Variants in RIOX1 observed in about 807,000 individuals in gnomAD.
RIOX1 encodes ribosomal oxygenase 1.
In RIOX1, 33 loss-of-function variants were observed where a neutral mutation model predicts 44.6. The ratio of observed to expected loss-of-function variants is 0.74; its 90% CI spans 0.56 to 0.99. The LOEUF (loss-of-function observed/expected upper bound fraction) is 0.99, where lower values mean the gene tolerates loss of function less well. Among genes scored for constraint, RIOX1 ranks in the 50% least tolerant of loss-of-function variants. The probability of loss-of-function intolerance (pLI) is 0.00; values close to 1 mark genes in which losing one functional copy is unlikely to be tolerated. For synonymous variants in RIOX1, 387 were observed against 395.8 expected (o/e 0.98, Z 0.26); for missense variants, 821 against 871.7 (o/e 0.94, Z 0.73).
chr14:73,491,875 G>A lies in RIOX1; in HGVS notation c.858G>A (p.Ala286=). ...NPPGRALPAA[A]WSLYQAGCSL... is the part of the protein sequence containing the mutation. ...CCGGCCGCGCGCTGCCCGCCGCCGC[G>A]TGGTCCCTGTACCAGGCCGGCTGCT... The change falls in exon 1 of 1, where the codon GCG becomes GCA. Residue 286 remains alanine, a synonymous_variant. Coordinates refer to ENST00000304061, the MANE Select transcript of RIOX1 (RefSeq NM_024644.5). 1 of 1,611,358 alleles carries A rather than the reference G, an allele frequency of 6.2e-7. No homozygotes were observed. The highest frequency in any genetic ancestry group is 1.1e-5 in the South Asian group (1 of 90,812).
In RIOX1 at chr14:73,492,523, C is replaced by T. The variant is rs1438222577; in HGVS notation, c.1506C>T (p.Ala502=). The T allele has an allele frequency of 4.3e-6, 7 of 1,613,502 alleles. No homozygotes were observed. The highest frequency in any genetic ancestry group is 1.7e-5 in the Admixed American group (1 of 59,892). ...APVDAVADQR[A]KDFIHDSLPP... is the part of the protein sequence containing the mutation. The stretch of plus-strand genomic sequence containing the variant: ...TTGATGCTGTGGCCGACCAGCGAGC[C>T]AAAGACTTCATTCACGATTCTCTGC... The change falls in exon 1 of 1, where the codon GCC becomes GCT. Residue 502 remains alanine, a synonymous_variant. Transcript: ENST00000304061. This position sits in a 1 kb window ranked among gnomAD's most constrained non-coding sequence, Gnocchi z 4.9.
rs987735574 is a variant in RIOX1, at chr14:73,491,402, C to G, written c.385C>G (p.Pro129Ala). The part of the protein sequence containing the change: ...SARLVPASAP[P>A]ARLVEVPAAP... Reference sequence around the variant, plus strand: ...GCGCCTGGTGCCCGCTTCCGCGCCGCCCGCGCGCCTGGTGGAGGTGCCCGC... The same window carrying G: ...GCGCCTGGTGCCCGCTTCCGCGCCGGCCGCGCGCCTGGTGGAGGTGCCCGC... The change falls in exon 1 of 1, where the codon CCC (proline) becomes GCC (alanine). Residue 129 changes from proline to alanine, a missense_variant. Physicochemically the swap from Pro to Ala is conservative, Grantham distance 27. Coordinates refer to ENST00000304061, the MANE Select transcript of RIOX1 (RefSeq NM_024644.5). The G allele has an allele frequency of 2.4e-5, 32 of 1,345,788 alleles. No homozygotes were observed. Among genetic ancestry groups the G allele is most frequent in the Non-Finnish European group, 3.0e-5 (32 of 1,057,448 alleles). 83.4% of individuals were successfully genotyped at this position (1,345,788 alleles called of 1,614,324 possible).
Position 73,491,542 on chromosome 14 carries a change from G to C in RIOX1, c.525G>C (p.Thr175=). 1.3e-6 allele frequency: 2 copies of C among 1,532,780 alleles called. No individual in the cohort carries two copies. The highest frequency in any genetic ancestry group is 1.2e-5 in the South Asian group (1 of 82,826). The allele number at this position is 1,532,780 out of a possible 1,614,324, so 94.9% of individuals were successfully genotyped here. The change falls in exon 1 of 1, where the codon ACG becomes ACC. Residue 175 remains threonine (T), a synonymous_variant. Coordinates refer to ENST00000304061, the MANE Select transcript of RIOX1 (RefSeq NM_024644.5). ...ATASGPQVDN[T]GGEPAWDSPL... is the part of the protein sequence containing the mutation. The stretch of plus-strand genomic sequence containing the variant: ...CGTCGGGGCCGCAGGTGGATAACAC[G>C]GGTGGGGAGCCGGCCTGGGACTCCC...
In RIOX1 at chr14:73,492,505, T is replaced by C. The variant is rs777747961; in HGVS notation, c.1488T>C (p.Ala496=). Residue 496 remains alanine (A), a synonymous_variant, in exon 1 of 1, where the codon GCT becomes GCC. Coordinates refer to ENST00000304061, the MANE Select transcript of RIOX1 (RefSeq NM_024644.5). The surrounding 1 kb of genome is among the most constrained non-coding windows in gnomAD (Gnocchi z 4.9). ...TGGGACACTTTGCTCCTGTTGATGC[T>C]GTGGCCGACCAGCGAGCCAAAGACT... ...ARLGHFAPVD[A]VADQRAKDFI... 3 of 1,613,522 alleles carry C rather than the reference T, an allele frequency of 1.9e-6. No individual in the cohort carries two copies. Among genetic ancestry groups the C allele is most frequent in the Non-Finnish European group, 2.5e-6 (3 of 1,179,742 alleles).
In RIOX1 at chr14:73,491,739, T is replaced by C; in HGVS notation, c.722T>C (p.Leu241Pro). 6.4e-7 allele frequency: 1 copy of C among 1,554,758 alleles called. No homozygotes were observed. ...CAGGACCACACCTACTACCAGGGAC[T>C]TTTCTCTACCGCTGACCTGGATTCG... ...RRQDHTYYQG[L>P]FSTADLDSML... The change falls in exon 1 of 1, where the codon CTT (leucine) becomes CCT (proline). Residue 241 changes from leucine (L) to proline (P), a missense_variant. Leu to Pro is a moderately conservative substitution (Grantham distance 98). Coordinates refer to ENST00000304061, the MANE Select transcript of RIOX1 (RefSeq NM_024644.5).
At position 73,491,658 on chromosome 14, in the gene RIOX1, C is replaced by T. The variant is rs1334891478; in HGVS notation, c.641C>T (p.Pro214Leu). The T allele has an allele frequency of 3.9e-6, 6 of 1,549,836 alleles. No homozygotes were observed. The highest frequency in any genetic ancestry group is 2.4e-5 in the South Asian group (2 of 84,018). ...RLFEWLIAPM[P>L]PDHFYRRLWE... ...TTTGAGTGGCTCATCGCGCCCATGCCGCCAGATCACTTTTACCGGCGCCTA... is the reference window on the plus strand; with the variant it reads ...TTTGAGTGGCTCATCGCGCCCATGCTGCCAGATCACTTTTACCGGCGCCTA... Residue 214 changes from proline to leucine, a missense_variant, in exon 1 of 1, where the codon CCG becomes CTG. Physicochemically the swap from Pro to Leu is moderately conservative, Grantham distance 98. Transcript: ENST00000304061.
rs775884852 is a variant in RIOX1 at position 73,492,395 on chromosome 14, G to T, written c.1378G>T (p.Asp460Tyr). Residue 460 changes from aspartate to tyrosine, a missense_variant, in exon 1 of 1, where the codon GAT becomes TAT. Coordinates refer to ENST00000304061, the MANE Select transcript of RIOX1 (RefSeq NM_024644.5). The surrounding 1 kb of genome is among the most constrained non-coding windows in gnomAD (Gnocchi z 4.9). ...GAGGGGTCTGCCCCGAGACTTCATG[G>T]ATTACATGGGGGCCCAGCATTCAGA... The part of the protein sequence containing the change: ...FRRGLPRDFM[D>Y]YMGAQHSDSK... 6.2e-7 allele frequency: 1 copy of T among 1,613,880 alleles called. No homozygotes were observed. Among genetic ancestry groups the T allele is most frequent in the Non-Finnish European group, 8.5e-7 (1 of 1,179,796 alleles).
Position 73,493,108 on chromosome 14 carries a change from A to G in RIOX1, c.*165A>G. 6.2e-7 allele frequency: 1 copy of G among 1,611,820 alleles called. No individual in the cohort carries two copies. The highest frequency in any genetic ancestry group is 1.7e-4 in the Middle Eastern group (1 of 6,056). On this transcript the variant is annotated 3_prime_UTR_variant, in exon 1 of 1. Coordinates refer to ENST00000304061, the MANE Select transcript of RIOX1 (RefSeq NM_024644.5). ...TGTCACAAACCTCGGAAGGTCTTCT[A>G]GGAAGAACCATCTCATCTAGGTACA...
chr14:73,491,083 C>A lies in RIOX1; in HGVS notation c.66C>A (p.Pro22=). 1 of 1,599,494 alleles carries A rather than the reference C, an allele frequency of 6.3e-7. No homozygotes were observed. The highest frequency in any genetic ancestry group is 8.5e-7 in the Non-Finnish European group (1 of 1,173,080). The change falls in exon 1 of 1, where the codon CCC becomes CCA. Residue 22 remains proline (P), a synonymous_variant. Transcript: ENST00000304061. The part of the protein sequence containing the change: ...RRGRPKRRRK[P]QPHSGSVLAL... ...GGCGGCCGAAGCGCCGGCGCAAGCC[C>A]CAGCCACACAGCGGGTCGGTCCTGG...
At position 73,491,762 on chromosome 14, in the gene RIOX1, T is replaced by G. The variant is rs758521493; in HGVS notation, c.745T>G (p.Ser249Ala). 21 of 1,565,206 alleles carry G rather than the reference T, an allele frequency of 1.3e-5. No individual in the cohort carries two copies. Among genetic ancestry groups the G allele is most frequent in the Non-Finnish European group, 1.8e-5 (21 of 1,155,636 alleles). Residue 249 changes from serine to alanine, a missense_variant, in exon 1 of 1, where the codon TCG becomes GCG. Physicochemically the swap from Ser to Ala is moderately conservative, Grantham distance 99. Around this residue, in one of 2 missense-constraint regions of RIOX1, gnomAD observed 554 missense variants for 531.2 expected, o/e 1.04. Transcript: ENST00000304061. ...ACTTTTCTCTACCGCTGACCTGGATTCGATGCTGCGCAACGAGGAGGTGCA... is the reference window on the plus strand; with the variant it reads ...ACTTTTCTCTACCGCTGACCTGGATGCGATGCTGCGCAACGAGGAGGTGCA... ...QGLFSTADLD[S>A]MLRNEEVQFG...
At position 73,492,779 on chromosome 14, in the gene RIOX1, T is replaced by G; in HGVS notation, c.1762T>G (p.Tyr588Asp). The G allele has an allele frequency of 1.2e-6, 2 of 1,613,936 alleles. No individual in the cohort carries two copies. The highest frequency in any genetic ancestry group is 1.7e-6 in the Non-Finnish European group (2 of 1,179,874). ...HLEEPKCLEI[Y>D]PQQADAMELL... ...GGAAGAACCCAAGTGCTTGGAAATA[T>G]ACCCCCAGCAAGCTGATGCCATGGA... The change falls in exon 1 of 1, where the codon TAC (tyrosine) becomes GAC (aspartate). Residue 588 changes from tyrosine (Y) to aspartate (D), a missense_variant. Physicochemically the swap from Tyr to Asp is radical, Grantham distance 160. Transcript: ENST00000304061. This position sits in a 1 kb window ranked among gnomAD's most constrained non-coding sequence, Gnocchi z 4.9.
At position 73,491,491 on chromosome 14, in the gene RIOX1, C is replaced by T; in HGVS notation, c.474C>T (p.Val158=). 1 of 1,505,262 alleles carries T rather than the reference C, an allele frequency of 6.6e-7. No individual in the cohort carries two copies. The highest frequency in any genetic ancestry group is 1.3e-5 in the South Asian group (1 of 78,838). The allele number at this position is 1,505,262 out of a possible 1,614,324, so 93.2% of individuals were successfully genotyped here. A position where few individuals can be genotyped will look rare whatever the true frequency, so the allele number is the denominator to read the frequency against. ...LLCTAQHLAA[V]QSSGAPATAS... is the part of the protein sequence containing the mutation. ...GCACCGCGCAACACTTAGCGGCCGT[C>T]CAGTCGTCCGGGGCCCCTGCGACGG... Residue 158 remains valine (V), a synonymous_variant, in exon 1 of 1, where the codon GTC becomes GTT. Transcript: ENST00000304061.
rs199691358 is a variant in RIOX1 at position 73,493,041 on chromosome 14, T to A, written c.*98T>A. 6.2e-7 allele frequency: 1 copy of A among 1,602,466 alleles called. No homozygotes were observed. Among genetic ancestry groups the A allele is most frequent in the African/African-American group, 1.4e-5 (1 of 73,564 alleles). ...CCTTAAACTCACGTTCTTACCTTGA[T>A]AAGCATCAGTGTGCTCACATTTACC... On this transcript the variant is annotated 3_prime_UTR_variant, in exon 1 of 1. Coordinates refer to ENST00000304061, the MANE Select transcript of RIOX1 (RefSeq NM_024644.5).
rs1053686557 is a variant in RIOX1 at position 73,493,198 on chromosome 14, A to G, written c.*255A>G. 5.9e-6 allele frequency: 7 copies of G among 1,196,142 alleles called. No individual in the cohort carries two copies. Among genetic ancestry groups the G allele is most frequent in the African/African-American group, 1.5e-5 (1 of 66,358 alleles). The allele number at this position is 1,196,142 out of a possible 1,614,324, so 74.1% of individuals were successfully genotyped here. A position where few individuals can be genotyped will look rare whatever the true frequency, so the allele number is the denominator to read the frequency against. The stretch of plus-strand genomic sequence containing the variant: ...GATCCGTGATCATTTCAGAGCACCA[A>G]CTTCATCACCTTCAGGCTTCAGTGT... On this transcript the variant is annotated 3_prime_UTR_variant, in exon 1 of 1. Transcript: ENST00000304061.
Position 73,491,499 on chromosome 14 carries a change from C to A in RIOX1, c.482C>A (p.Ser161Tyr). ...CAACACTTAGCGGCCGTCCAGTCGT[C>A]CGGGGCCCCTGCGACGGCGTCGGGG... ...TAQHLAAVQS[S>Y]GAPATASGPQ... is the part of the protein sequence containing the mutation. The change falls in exon 1 of 1, where the codon TCC becomes TAC. Residue 161 changes from serine to tyrosine, a missense_variant. Around this residue, in one of 2 missense-constraint regions of RIOX1, gnomAD observed 554 missense variants for 531.2 expected, o/e 1.04. Transcript: ENST00000304061. 2 of 1,512,208 alleles carry A rather than the reference C, an allele frequency of 1.3e-6. No homozygotes were observed. Among genetic ancestry groups the A allele is most frequent in the Middle Eastern group, 2.3e-4 (1 of 4,350 alleles). 93.7% of individuals were successfully genotyped at this position (1,512,208 alleles called of 1,614,324 possible).
At position 73,491,675 on chromosome 14, in the gene RIOX1, C is replaced by T. The variant is rs1320945836; in HGVS notation, c.658C>T (p.Arg220Trp). Reference protein sequence around the residue: ...IAPMPPDHFYRRLWEREAVLV... With the variant: ...IAPMPPDHFYWRLWEREAVLV... ...GCCCATGCCGCCAGATCACTTTTAC[C>T]GGCGCCTATGGGAGCGCGAGGCGGT... Residue 220 changes from arginine to tryptophan, a missense_variant, in exon 1 of 1, where the codon CGG becomes TGG. Physicochemically the swap from Arg to Trp is moderately radical, Grantham distance 101. Around this residue, in one of 2 missense-constraint regions of RIOX1, gnomAD observed 554 missense variants for 531.2 expected, o/e 1.04. Transcript: ENST00000304061. 1.7e-5 allele frequency: 26 copies of T among 1,549,896 alleles called. No homozygotes were observed. The East Asian group carries it at 5.9e-4, about 35-fold the overall frequency.
rs1241536337 is a variant in RIOX1, at chr14:73,492,503, G to A, written c.1486G>A (p.Ala496Thr). ...ARLGHFAPVDAVADQRAKDFI... is the reference protein window; with the variant it reads ...ARLGHFAPVDTVADQRAKDFI... ...CCTGGGACACTTTGCTCCTGTTGAT[G>A]CTGTGGCCGACCAGCGAGCCAAAGA... Residue 496 changes from alanine to threonine, a missense_variant, in exon 1 of 1, where the codon GCT becomes ACT. Coordinates refer to ENST00000304061, the MANE Select transcript of RIOX1 (RefSeq NM_024644.5). The surrounding 1 kb of genome is among the most constrained non-coding windows in gnomAD (Gnocchi z 4.9). 6.2e-7 allele frequency: 1 copy of A among 1,613,538 alleles called. No homozygotes were observed. The highest frequency in any genetic ancestry group is 1.3e-5 in the African/African-American group (1 of 74,922).
Position 73,492,031 on chromosome 14 carries a change from C to G in RIOX1, c.1014C>G (p.Ala338=), listed in dbSNP as rs769724580. ...YLTPPNSQGF[A]PHYDDIEAFV... The stretch of plus-strand genomic sequence containing the variant: ...CGCCCCCTAACTCGCAGGGCTTTGC[C>G]CCCCACTACGACGACATCGAGGCCT... Residue 338 remains alanine, a synonymous_variant, in exon 1 of 1, where the codon GCC becomes GCG. Transcript: ENST00000304061. This position sits in a 1 kb window ranked among gnomAD's most constrained non-coding sequence, Gnocchi z 4.9. 2.4e-5 allele frequency: 39 copies of G among 1,613,860 alleles called. No homozygotes were observed. The highest frequency in any genetic ancestry group is 3.1e-5 in the Non-Finnish European group (36 of 1,179,898).
chr14:73,492,123 T>C lies in RIOX1; in HGVS notation c.1106T>C (p.Leu369Pro). Residue 369 changes from leucine to proline, a missense_variant, in exon 1 of 1, where the codon CTG becomes CCG. By Grantham distance (98) the Leu-to-Pro change is moderately conservative. Around this residue, in one of 2 missense-constraint regions of RIOX1, gnomAD observed 554 missense variants for 531.2 expected, o/e 1.04. Transcript: ENST00000304061. The surrounding 1 kb of genome is among the most constrained non-coding windows in gnomAD (Gnocchi z 4.9). ...VYRPRVPTEE[L>P]ALTSSPNFSQ... is the part of the protein sequence containing the mutation. ...CGACCCCGAGTCCCAACCGAGGAAC[T>C]GGCTCTGACATCCAGCCCCAACTTC... 1.9e-6 allele frequency: 3 copies of C among 1,613,912 alleles called. No individual in the cohort carries two copies. Among genetic ancestry groups the C allele is most frequent in the South Asian group, 2.2e-5 (2 of 91,082 alleles).
Sources: gnomAD v4.1 joint callset for allele counts on GRCh38, gnomAD v4.1.1 for gene constraint, gnomAD v4.1.1 regional missense constraint, Gnocchi (gnomAD v3.1) non-coding constraint, MANE v1.5 for transcripts, NCBI Gene and HGNC (gene_info 2026-07-23, HGNC 2026-07-21) for gene names.